REEP3: variants seen among roughly 807,000 people sequenced by gnomAD.
REEP3 encodes receptor accessory protein 3.
REEP3 carries 20 observed loss-of-function variants against 41.3 expected under a neutral mutation model. The ratio of observed to expected loss-of-function variants is 0.48; its 90% CI spans 0.34 to 0.70. The LOEUF (loss-of-function observed/expected upper bound fraction) is 0.70, where lower values mean the gene tolerates loss of function less well. REEP3 is among the 30% of genes least tolerant of loss of function. REEP3 has a pLI of 0.01. For missense variants in REEP3, 271 were observed against 308.8 expected, an observed-to-expected ratio of 0.88 and a Z score of 0.92; for synonymous variants, 104 against 101.8, an observed-to-expected ratio of 1.02 and a Z score of -0.13.
intron 5 of REEP3, among the ~76,000 whole-genome samples, chr10:63,607,722 C>T (rs1167032859): frequency 1.3e-5 from 2 of 152,198 alleles, no homozygotes; most frequent in Non-Finnish European, 2.9e-5. Flanking sequence ...AGATTTGTCC[C>T]TCTCCTCTAG....
intron 1 of REEP3, among the ~76,000 whole-genome samples, chr10:63,548,820 A>G (rs1218124726): frequency 6.6e-6 from 1 of 152,240 alleles, no homozygotes; most frequent in Non-Finnish European, 1.5e-5. Flanking sequence ...TTGTATAAAC[A>G]AAATGATAAT....
At chr10:63,553,919 G>A (rs1203898327) in intron 1 of REEP3, among the ~76,000 whole-genome samples, 23 of 152,002 alleles carry the variant, frequency 1.5e-4, no homozygotes, top group Admixed American at 1.5e-3. Flanking sequence ...TGGCTAACAC[G>A]GTAAAACCAC....
intron 2 of REEP3, among the ~76,000 whole-genome samples, chr10:63,584,614 C>T (rs1955987390): frequency 1.3e-5 from 2 of 151,708 alleles, no homozygotes; most frequent in South Asian, 4.2e-4. Context: ...CATTTTGTTC[C>T]TCTTTGTTTT....
At chr10:63,553,196 G>A (rs935629034) in intron 1 of REEP3, among the ~76,000 whole-genome samples, 2 of 152,156 alleles carry the variant, frequency 1.3e-5, no homozygotes, top group African/African-American at 2.4e-5. Context: ...CATGAAGAGC[G>A]AGATTGTTCT....
intron 5 of REEP3, among the ~76,000 whole-genome samples, chr10:63,601,837 C>T (rs1027664509): frequency 6.6e-6 from 1 of 152,104 alleles, no homozygotes; most frequent in Non-Finnish European, 1.5e-5. Context: ...AGGAGAATCG[C>T]TTGAACCTGG....
chr10:63,541,564 C>T (rs554828565), intron 1 of REEP3, among the ~76,000 whole-genome samples: 10 of 152,206 alleles, frequency 6.6e-5, no homozygotes, highest in African/African-American at 1.9e-4. Context: ...GAAGTATAAC[C>T]ATCTACCAGT....
intron 6 of REEP3, among the ~76,000 whole-genome samples, chr10:63,618,853 C>T (rs1956332025): frequency 6.6e-6 from 1 of 152,254 alleles, no homozygotes. Flanking sequence ...GAGTTTTCGT[C>T]CTTGAGGCCA....
At chr10:63,556,962 A>T (rs1955693540) in intron 1 of REEP3, among the ~76,000 whole-genome samples, 2 of 152,144 alleles carry the variant, frequency 1.3e-5, no homozygotes, top group Non-Finnish European at 2.9e-5. Flanking sequence ...CCCAGGGTCA[A>T]GCCAGGAAAC....
chr10:63,620,869 G>A lies in REEP3; in HGVS notation c.768G>A (p.Ter256=). Residue 256 remains the stop codon, a stop_retained_variant, in exon 8 of 8, where the codon TAG becomes TAA. Transcript: ENST00000373758. The part of the protein sequence containing the change: ...KVKKRPQVYF[*] ...AGAAACGACCACAAGTGTATTTTTA[G>A]TCATCTACACGTCAAATATCCCAAG... The A allele has an allele frequency of 6.2e-7, 1 of 1,600,092 alleles. No individual in the cohort carries two copies. Among genetic ancestry groups the A allele is most frequent in the Non-Finnish European group, 8.6e-7 (1 of 1,169,072 alleles).
At chr10:63,590,529 T>C (rs986723685) in intron 2 of REEP3, among the ~76,000 whole-genome samples, 2 of 152,210 alleles carry the variant, frequency 1.3e-5, no homozygotes, top group African/African-American at 4.8e-5. Flanking sequence ...ATTTTTTTTT[T>C]TTCCTTGACT....
rs67568146 is a variant in REEP3, at chr10:63,622,705, C to CTTTTTTTTTTTTTTTTTTTTTTTTT, written c.*1856_*1857insTTTTTTTTTTTTTTTTTTTTTTTTT. ...TGGGAGCTGATTTGCACCATTTTAC[C>CTTTTTTTTTTTTTTTTTTTTTTTTT]TTTTTTTTTTTTTTTTTTTTGAGAC... On this transcript the variant is annotated 3_prime_UTR_variant, in exon 8 of 8. Coordinates refer to ENST00000373758, the MANE Select transcript of REEP3 (RefSeq NM_001001330.3). 2 of 116,602 alleles carry CTTTTTTTTTTTTTTTTTTTTTTTTT rather than the reference C, an allele frequency of 1.7e-5. 1 individual carries two copies. The highest frequency in any genetic ancestry group is 7.1e-5 in the African/African-American group (2 of 28,058). The allele number at this position is 116,602 out of a possible 1,614,324, so 7.2% of individuals were successfully genotyped here.
chr10:63,558,244 G>T (rs756715542), intron 1 of REEP3, among the ~76,000 whole-genome samples: 1 of 152,184 alleles, frequency 6.6e-6, no homozygotes, highest in African/African-American at 2.4e-5. Flanking sequence ...TGACAGATAG[G>T]TTTACCTAGC....
chr10:63,576,560 T>C (rs1247653029), intron 2 of REEP3, among the ~76,000 whole-genome samples: 2 of 152,234 alleles, frequency 1.3e-5, no homozygotes, highest in Non-Finnish European at 2.9e-5. Flanking sequence ...TAACTTCATT[T>C]AACTACATCT....
At chr10:63,523,595 C>T (rs1487927035) in intron 1 of REEP3, among the ~76,000 whole-genome samples, 3 of 152,044 alleles carry the variant, frequency 2.0e-5, no homozygotes, top group Admixed American at 1.3e-4. Flanking sequence ...GTGATCGTGC[C>T]ACTGCACTCC....
rs573466135 is a variant in REEP3, at chr10:63,593,052, G to A, written c.106-1726G>A. ...GGAGGGGCCGGGCGCGGTGGCTCAC[G>A]CCTGTAATCCCAGCACTTCGGGAGG... is the stretch of plus-strand genomic sequence containing the variant. On this transcript the variant is annotated intron_variant, in intron 2 of 7. Transcript: ENST00000373758. Among the ~76,000 whole-genome samples the A allele has an allele frequency of 1.1e-4, 17 of 152,296 alleles. No individual in the cohort carries two copies. In the East Asian group the frequency reaches 2.1e-3, roughly 19 times the overall value.
intron 1 of REEP3, among the ~76,000 whole-genome samples, chr10:63,555,797 T>C (rs1955673473): frequency 6.6e-6 from 1 of 152,204 alleles, no homozygotes; most frequent in Non-Finnish European, 1.5e-5. Context: ...TTGTTGAAGA[T>C]GCAGAATTTA....
chr10:63,560,418 T>G (rs1165740689), intron 1 of REEP3, among the ~76,000 whole-genome samples: 1 of 152,230 alleles, frequency 6.6e-6, no homozygotes, highest in East Asian at 1.9e-4. Flanking sequence ...TGTCTGAATA[T>G]CTGTCTAGAA....
At chr10:63,618,930 T>C (rs1956332479) in intron 6 of REEP3, among the ~76,000 whole-genome samples, 1 of 152,224 alleles carries the variant, frequency 6.6e-6, no homozygotes, top group South Asian at 2.1e-4. Flanking sequence ...AGTAAGTCTT[T>C]ATAGCTACAC....
intron 5 of REEP3, among the ~76,000 whole-genome samples, chr10:63,604,285 A>G (rs1363836050): frequency 6.6e-6 from 1 of 152,226 alleles, no homozygotes; most frequent in African/African-American, 2.4e-5. Flanking sequence ...AGCAAAGCAT[A>G]AACATTTGAA....
Sources: gnomAD v4.1 joint callset for allele counts (sites outside exome capture counted in the v4.1 genomes callset) on GRCh38, gnomAD v4.1.1 for gene constraint, MANE v1.5 for transcripts, NCBI Gene and HGNC (gene_info 2026-07-23, HGNC 2026-07-21) for gene names.